The following LARGE1 variants were observed in gnomAD, a reference collection of about 807,000 sequenced individuals.
LARGE1 encodes LARGE xylosyl- and glucuronyltransferase 1.
In LARGE1, 43 loss-of-function variants were observed where a neutral mutation model predicts 87.6. The ratio of observed to expected loss-of-function variants is 0.49; its 90% confidence interval spans 0.38 to 0.63. The LOEUF is 0.63. Among genes scored for constraint, LARGE1 ranks in the 30% least tolerant of loss-of-function variants. The probability of loss-of-function intolerance (pLI) is 0.00; values close to 1 mark genes in which losing one functional copy is unlikely to be tolerated. For missense variants in LARGE1, 802 were observed against 1,000.2 expected (o/e 0.80, Z 2.67); for synonymous variants, 434 against 394.6 (o/e 1.10, Z -1.18).
chr22:33,413,451 TTTTTA>T (rs996286628), intron 7 of LARGE1, among the ~76,000 whole-genome samples: 23 of 151,820 alleles, frequency 1.5e-4, no homozygotes, highest in Non-Finnish European at 2.8e-4. Flanking sequence ...TACTGGGGGC[TTTTTA>T]TTTTATTTTA....
the LARGE1 span, among the ~76,000 whole-genome samples, chr22:33,128,266 A>C: frequency 6.6e-6 from 1 of 152,210 alleles, no homozygotes; most frequent in Non-Finnish European, 1.5e-5. Context: ...TACCCAAAGG[A>C]ATAGAAATCA....
chr22:33,548,110 G>A (rs986248151), intron 6 of LARGE1, among the ~76,000 whole-genome samples: 1 of 152,192 alleles, frequency 6.6e-6, no homozygotes, highest in East Asian at 1.9e-4. Flanking sequence ...TGGAGGTAGG[G>A]CCTACTGGGA....
intron 7 of LARGE1, among the ~76,000 whole-genome samples, chr22:33,389,705 C>T (rs2065447963): frequency 6.6e-6 from 1 of 152,116 alleles, no homozygotes; most frequent in African/African-American, 2.4e-5. Context: ...ATGAGCCGGG[C>T]ATGGTGGTGT....
chr22:33,262,311 A>C (rs908905373), intron 11 of LARGE1, among the ~76,000 whole-genome samples: 4 of 152,306 alleles, frequency 2.6e-5, no homozygotes, highest in African/African-American at 9.6e-5. Context: ...CTTTGATTTC[A>C]GTCAAACCCT....
chr22:33,697,375 T>G (rs369194912), intron 2 of LARGE1, among the ~76,000 whole-genome samples: 6 of 151,756 alleles, frequency 4.0e-5, no homozygotes, highest in African/African-American at 1.5e-4. Context: ...GTCTCTAGCC[T>G]CTTAGGATTC....
rs538341212 is a variant in LARGE1 at position 33,419,970 on chromosome 22, A to G, written c.892+12191T>C. Among the ~76,000 whole-genome samples the G allele has an allele frequency of 2.9e-4, 44 of 152,224 alleles. No homozygotes were observed. In the South Asian group the frequency reaches 6.8e-3, roughly 24 times the overall value. ...TGGCCTCCCAAAGTGCTGAGATTAT[A>G]GGCATGAGCCACTGCACCTGACCCA... is the stretch of plus-strand genomic sequence containing the variant. On this transcript the variant is annotated intron_variant, in intron 7 of 14. Transcript: ENST00000397394.
intron 3 of LARGE1, among the ~76,000 whole-genome samples, chr22:33,632,967 T>C (rs1342184372): frequency 6.6e-6 from 1 of 152,220 alleles, no homozygotes; most frequent in Admixed American, 6.5e-5. Context: ...ACTTTGAATC[T>C]TGCAGGCTGT....
At chr22:33,584,729 A>G (rs1175820873) in intron 5 of LARGE1, among the ~76,000 whole-genome samples, 1 of 152,150 alleles carries the variant, frequency 6.6e-6, no homozygotes, top group Admixed American at 6.6e-5. Context: ...ATCTTGAAGG[A>G]AGCAGGACTT....
chr22:33,372,932 A>T (rs1272335898), intron 9 of LARGE1, among the ~76,000 whole-genome samples: 1 of 152,190 alleles, frequency 6.6e-6, no homozygotes, highest in Non-Finnish European at 1.5e-5. Flanking sequence ...GGATATAAGG[A>T]TGTATTTTTG....
chr22:33,420,392 G>C (rs2066649285), intron 7 of LARGE1, among the ~76,000 whole-genome samples: 1 of 152,104 alleles, frequency 6.6e-6, no homozygotes. Context: ...GAAAGACACA[G>C]GGAAATTAAA....
At chr22:33,406,823 G>A (rs781009474) in intron 7 of LARGE1, among the ~76,000 whole-genome samples, 5 of 152,194 alleles carry the variant, frequency 3.3e-5, no homozygotes, top group Admixed American at 6.5e-5. Context: ...AAGGAGTTTC[G>A]CCTTTGTCAC....
intron 2 of LARGE1, among the ~76,000 whole-genome samples, chr22:33,761,073 A>G (rs2084712219): frequency 6.6e-6 from 1 of 152,038 alleles, no homozygotes; most frequent in African/African-American, 2.4e-5. Context: ...TAGCTCAGTA[A>G]TTTCTCCAGG....
At chr22:33,275,375 T>C (rs569813123) in intron 14 of LARGE1, among the ~76,000 whole-genome samples, 1 of 152,336 alleles carries the variant, frequency 6.6e-6, no homozygotes, top group Admixed American at 6.5e-5. Context: ...GGACATATTG[T>C]CTGACAAGCT....
intron 10 of LARGE1, among the ~76,000 whole-genome samples, chr22:33,317,815 G>A (rs1428594178): frequency 6.6e-6 from 1 of 152,194 alleles, no homozygotes; most frequent in Non-Finnish European, 1.5e-5. Context: ...GGCATGTGGG[G>A]TGGGGGAGTG....
chr22:33,676,776 A>G (rs1336040928), intron 2 of LARGE1, among the ~76,000 whole-genome samples: 1 of 152,122 alleles, frequency 6.6e-6, no homozygotes, highest in Admixed American at 6.5e-5. Context: ...TGTAGCTTGA[A>G]AGTGGCCACC....
At chr22:33,147,743 G>T in the LARGE1 span, among the ~76,000 whole-genome samples, 1 of 151,440 alleles carries the variant, frequency 6.6e-6, no homozygotes, top group South Asian at 2.1e-4. Flanking sequence ...GCTTTTTTTG[G>T]GTAAATAGTT....
chr22:33,684,276 C>T (rs1455691093), intron 2 of LARGE1, among the ~76,000 whole-genome samples: 1 of 152,034 alleles, frequency 6.6e-6, no homozygotes, highest in African/African-American at 2.4e-5. Flanking sequence ...ACCACCAACA[C>T]CTTGGTAACA....
intron 7 of LARGE1, among the ~76,000 whole-genome samples, chr22:33,407,150 C>G (rs2066131104): frequency 6.6e-6 from 1 of 151,966 alleles, no homozygotes; most frequent in African/African-American, 2.4e-5. Flanking sequence ...AGGGACCACT[C>G]TATTATTACT....
intron 2 of LARGE1, among the ~76,000 whole-genome samples, chr22:33,678,060 T>C (rs558850693): frequency 1.3e-5 from 2 of 152,216 alleles, no homozygotes; most frequent in Admixed American, 1.3e-4. Flanking sequence ...AGAAACCAAC[T>C]GGAATAAAAA....
Sources: gnomAD v4.1 joint callset for allele counts (sites outside exome capture counted in the v4.1 genomes callset) on GRCh38, gnomAD v4.1.1 for gene constraint, MANE v1.5 for transcripts, NCBI Gene and HGNC (gene_info 2026-07-23, HGNC 2026-07-21) for gene names.